Variants in DGKK observed in about 807,000 individuals in gnomAD.
DGKK encodes 142 kDa diacylglycerol kinase.
In DGKK, 35 loss-of-function variants were observed where a neutral mutation model predicts 92.2. That is an observed-to-expected ratio of 0.38 (90% CI 0.29 to 0.50). The LOEUF (loss-of-function observed/expected upper bound fraction) is 0.50. DGKK is among the 20% of genes least tolerant of loss of function. The pLI, the probability that DGKK is intolerant of heterozygous loss-of-function variation, is 0.92. For missense variants in DGKK, 910 were observed against 992.2 expected, an observed-to-expected ratio of 0.92 and a Z score of 1.11; for synonymous variants, 368 against 360.6, an observed-to-expected ratio of 1.02 and a Z score of -0.23.
chrX:50,447,428 T>A lies in DGKK; in HGVS notation c.645+22606A>T, dbSNP rs370101248. Among the ~76,000 whole-genome samples the A allele has an allele frequency of 6.3e-3, 101 of 16,100 alleles. 9 individuals are homozygous for A. In the African/African-American group the frequency reaches 0.063, roughly 10 times the overall value. 14.0% of individuals were successfully genotyped at this position (16,100 alleles called of 115,157 possible). A position where few individuals can be genotyped will look rare whatever the true frequency, so the allele number is the denominator to read the frequency against. Reference sequence around the variant, plus strand: ...ATATATAATATATATATATATATATTATATATATATTTCACAGAAGTTGAG... The same window carrying A: ...ATATATAATATATATATATATATATAATATATATATTTCACAGAAGTTGAG... On this transcript the variant is annotated intron_variant, in intron 1 of 27. Coordinates refer to ENST00000611977, the MANE Select transcript of DGKK (RefSeq NM_001013742.4).
intron 26 of DGKK, among the ~76,000 whole-genome samples, chrX:50,370,815 A>G (rs1018993654): frequency 2.7e-5 from 3 of 112,341 alleles, no homozygotes; most frequent in African/African-American, 6.5e-5. Flanking sequence ...CAAAGTGGTT[A>G]TTAACATCCC....
At chrX:50,384,084 G>T in intron 17 of DGKK, 84 bp downstream of exon 17, 1 of 584,146 alleles carries the variant, frequency 1.7e-6, no homozygotes. Flanking sequence ...TAAGAGAAAG[G>T]ATTTGACTAT....
chrX:50,426,856 T>C (rs1433382099), intron 1 of DGKK, among the ~76,000 whole-genome samples: 1 of 112,144 alleles, frequency 8.9e-6, no homozygotes, highest in Non-Finnish European at 1.9e-5. Context: ...TACTAAATGC[T>C]GGCAAGAATA....
At chrX:50,458,514 G>A (rs1926667337) in intron 1 of DGKK, among the ~76,000 whole-genome samples, 1 of 107,894 alleles carries the variant, frequency 9.3e-6, no homozygotes, top group Admixed American at 1.0e-4. Flanking sequence ...AGCAGGAAAA[G>A]GATACTAGAT....
In DGKK at chrX:50,424,267, T is replaced by C. The variant is rs192268620; in HGVS notation, c.737A>G (p.Tyr246Cys). The change falls in exon 2 of 28, where the codon TAC becomes TGC. Residue 246 changes from tyrosine (Y) to cysteine (C), a missense_variant. Transcript: ENST00000611977. ...CATTACCGCGGGATGGTGTGCAAAGTAGAGCTTCTGTCCTTGAACCAGAAA... is the reference window on the plus strand; with the variant it reads ...CATTACCGCGGGATGGTGTGCAAAGCAGAGCTTCTGTCCTTGAACCAGAAA... The part of the protein sequence containing the change: ...RYFLVQGQKL[Y>C]FAHHPAFAHF... 8.3e-6 allele frequency: 10 copies of C among 1,209,326 alleles called. No individual in the cohort carries two copies. The Admixed American group carries it at 1.8e-4, about 21-fold the overall frequency.
chrX:50,384,819 C>G lies in DGKK; in HGVS notation c.2353G>C (p.Asp785His). ...GATATTGTCTGTCTGCTTTCCTCAT[C>G]CAGAGCTATAGAGAAAAGTGGGAGG... ...LIIFQVEQAL[D>H]EESRQTISVK... The change falls in exon 16 of 28, where the codon GAT becomes CAT. Residue 785 changes from aspartate (D) to histidine (H), a missense_variant. Coordinates refer to ENST00000611977, the MANE Select transcript of DGKK (RefSeq NM_001013742.4). 1 of 1,199,120 alleles carries G rather than the reference C, an allele frequency of 8.3e-7. No individual in the cohort carries two copies. Among genetic ancestry groups the G allele is most frequent in the Non-Finnish European group, 1.1e-6 (1 of 888,083 alleles).
At position 50,402,212 on chromosome X, in the gene DGKK, AG is replaced by A. The variant is rs781886111; in HGVS notation, c.1308+848del. On this transcript the variant is annotated intron_variant, in intron 7 of 27. Transcript: ENST00000611977. ...CACTTGAGCCCAGGAGTTTGAGACC[AG>A]CCTGGGCAACATAGCAAGACTCCGT... 2.7e-5 allele frequency among the ~76,000 whole-genome samples: 3 copies of A among 111,066 alleles called. No individual in the cohort carries two copies. The East Asian group carries it at 8.5e-4, about 32-fold the overall frequency.
chrX:50,403,295 T>A (rs1233287922), intron 6 of DGKK, 112 bp from the exon 7 acceptor site: 6 of 982,391 alleles, frequency 6.1e-6, no homozygotes, highest in Non-Finnish European at 8.3e-6. Flanking sequence ...ATGACCCAAA[T>A]GACCCTGCCC....
At chrX:50,397,402 A>G (rs1924884086) in intron 8 of DGKK, among the ~76,000 whole-genome samples, 1 of 112,362 alleles carries the variant, frequency 8.9e-6, no homozygotes, top group African/African-American at 3.2e-5. Context: ...GACACACCTG[A>G]GTACAATTGT....
chrX:50,414,198 G>T (rs782702324), intron 4 of DGKK, among the ~76,000 whole-genome samples: 4 of 111,624 alleles, frequency 3.6e-5, no homozygotes, highest in Non-Finnish European at 7.5e-5. Context: ...GGTTGAGGGA[G>T]AGGAGGAGGG....
intron 2 of DGKK, 120 bp from the exon 3 acceptor site, chrX:50,422,646 G>T: frequency 2.7e-6 from 1 of 368,511 alleles, no homozygotes. Flanking sequence ...TTACTGACAG[G>T]CATTTGTGGC....
At chrX:50,393,061 G>T in intron 9 of DGKK, 91 bp downstream of exon 9, 1 of 772,850 alleles carries the variant, frequency 1.3e-6, no homozygotes, top group Middle Eastern at 3.1e-4. Flanking sequence ...CCAAATACAA[G>T]AACTGATTCC....
intron 1 of DGKK, among the ~76,000 whole-genome samples, chrX:50,466,017 C>CTTTT (rs72090197): frequency 9.3e-5 from 4 of 42,793 alleles, no homozygotes; most frequent in Non-Finnish European, 1.1e-4. Flanking sequence ...TTTCTTTTTT[C>CTTTT]TTTTTTTTTT....
chrX:50,459,160 TC>T (rs1466516218), intron 1 of DGKK, among the ~76,000 whole-genome samples: 3 of 111,555 alleles, frequency 2.7e-5, no homozygotes, highest in Non-Finnish European at 5.7e-5. Flanking sequence ...CATCTAAAAG[TC>T]CCAATATTTC....
chrX:50,403,493 C>T lies in DGKK; in HGVS notation c.1183G>A (p.Val395Ile), dbSNP rs369046310. 3 of 1,206,229 alleles carry T rather than the reference C, an allele frequency of 2.5e-6. No homozygotes were observed. Among genetic ancestry groups the T allele is most frequent in the South Asian group, 1.8e-5 (1 of 56,676 alleles). ...GGGAAGACATGGCTAGTACTTACTA[C>T]TTCATCTGCAGGCAGAAGGAGGTCA... ...TDDLLLPADE[V>I]NMPHQWVEGN... Residue 395 changes from valine (V) to isoleucine (I), a missense_variant and splice_region_variant, in exon 6 of 28, where the codon GTA becomes ATA. Transcript: ENST00000611977.
chrX:50,443,681 T>TCA (rs1677795108), intron 1 of DGKK, among the ~76,000 whole-genome samples: 1 of 105,002 alleles, frequency 9.5e-6, no homozygotes, highest in African/African-American at 3.5e-5. Flanking sequence ...TATTTAGATT[T>TCA]CACAGTTATA....
intron 4 of DGKK, among the ~76,000 whole-genome samples, chrX:50,404,463 T>C (rs1215339206): frequency 1.9e-5 from 2 of 106,752 alleles, no homozygotes; most frequent in African/African-American, 6.9e-5. Context: ...TTTTTTTTTT[T>C]TGAGAGGAAG....
At chrX:50,412,778 A>G (rs1252400791) in intron 4 of DGKK, among the ~76,000 whole-genome samples, 1 of 112,268 alleles carries the variant, frequency 8.9e-6, no homozygotes, top group African/African-American at 3.2e-5. Context: ...AGTCTTTTCA[A>G]TAAATGATGT....
At chrX:50,461,100 A>G (rs902746212) in intron 1 of DGKK, among the ~76,000 whole-genome samples, 10 of 112,138 alleles carry the variant, frequency 8.9e-5, no homozygotes, top group Non-Finnish European at 1.5e-4. Flanking sequence ...GCATTTGTAT[A>G]TGGGAGCAAC....
Sources: gnomAD v4.1 joint callset for allele counts (sites outside exome capture counted in the v4.1 genomes callset) on GRCh38, gnomAD v4.1.1 for gene constraint, MANE v1.5 for transcripts, NCBI Gene and HGNC (gene_info 2026-07-23, HGNC 2026-07-21) for gene names.